Variants in NFIC observed in about 807,000 individuals in gnomAD.
The protein encoded by NFIC is nuclear factor I C.
A neutral mutation model predicts 54.4 loss-of-function variants in NFIC; 12 were observed. The observed-to-expected ratio is 0.22, with a 90% confidence interval of 0.14 to 0.36. The LOEUF is 0.36. Among genes scored for constraint, NFIC ranks in the 10% least tolerant of loss-of-function variants. The pLI is 1.00. For synonymous variants in NFIC, 322 were observed against 319.2 expected, an observed-to-expected ratio of 1.01 and a Z score of -0.09; for missense variants, 575 against 718.2, an observed-to-expected ratio of 0.80 and a Z score of 2.28.
intron 4 of NFIC, 142 bp downstream of exon 4, chr19:3,433,734 G>A (rs781779351): frequency 4.3e-6 from 4 of 935,600 alleles, no homozygotes; most frequent in Non-Finnish European, 6.5e-6. Context: ...TAGAAAGGGA[G>A]GTGGCCAGGC....
chr19:3,427,678 T>C (rs2082047329), intron 3 of NFIC, among the ~76,000 whole-genome samples: 1 of 148,254 alleles, frequency 6.7e-6, no homozygotes, highest in Non-Finnish European at 1.5e-5. Context: ...AATACAAAAA[T>C]TAGTCGGGCA....
At chr19:3,399,261 A>T (rs982127925) in intron 2 of NFIC, among the ~76,000 whole-genome samples, 1 of 152,202 alleles carries the variant, frequency 6.6e-6, no homozygotes, top group African/African-American at 2.4e-5. Flanking sequence ...TTGCTGAGGG[A>T]GAGTCAATAA....
rs1187386360 is a variant in NFIC, at chr19:3,375,850, G to A, written c.31-5862G>A. Among the ~76,000 whole-genome samples, 1 of 152,156 alleles carries A rather than the reference G, an allele frequency of 6.6e-6. No individual in the cohort carries two copies. The highest frequency in any genetic ancestry group is 2.4e-5 in the African/African-American group (1 of 41,436). On this transcript the variant is annotated intron_variant, in intron 1 of 10. Transcript: ENST00000443272. The surrounding 1 kb of genome is among the most constrained non-coding windows in gnomAD (Gnocchi z 4.6). ...CTCTGCCCATCCCGGCCTGGAAATGGGACCGAGTCCAGCCACATCCGCTGG... is the reference window on the plus strand; with the variant it reads ...CTCTGCCCATCCCGGCCTGGAAATGAGACCGAGTCCAGCCACATCCGCTGG...
upstream of NFIC, among the ~76,000 whole-genome samples, chr19:3,362,515 C>A (rs1304205605): frequency 6.6e-6 from 1 of 151,532 alleles, no homozygotes; most frequent in African/African-American, 2.4e-5. Flanking sequence ...TTATGTGAGT[C>A]TGTGCGTGTA....
intron 2 of NFIC, among the ~76,000 whole-genome samples, chr19:3,423,410 C>T (rs1307134905): frequency 3.3e-5 from 5 of 152,036 alleles, no homozygotes; most frequent in Non-Finnish European, 7.4e-5. Flanking sequence ...ACACAGCGAT[C>T]GCGTCCTGGC....
intron 6 of NFIC, among the ~76,000 whole-genome samples, chr19:3,438,077 G>A (rs148970808): frequency 4.6e-5 from 7 of 152,290 alleles, no homozygotes; most frequent in Middle Eastern, 3.4e-3. Flanking sequence ...CCACCTTTGC[G>A]ATGAGCCAAA....
intron 6 of NFIC, among the ~76,000 whole-genome samples, chr19:3,440,450 C>A (rs185248481): frequency 6.7e-6 from 1 of 148,954 alleles, no homozygotes. Flanking sequence ...TTTTTTGAGA[C>A]GGAATCTCTC....
chr19:3,438,026 G>C (rs1025927687), intron 6 of NFIC, among the ~76,000 whole-genome samples: 5 of 152,192 alleles, frequency 3.3e-5, no homozygotes, highest in Non-Finnish European at 7.4e-5. Context: ...TAATTGATGA[G>C]GCTGTCAGAA....
chr19:3,460,515 G>T (rs115655276), intron 10 of NFIC, among the ~76,000 whole-genome samples: 4,256 of 151,768 alleles, frequency 0.028, 185 homozygotes, highest in African/African-American at 0.096. Context: ...TTTTTTTTTG[G>T]TTTTTTTGGT....
intron 4 of NFIC, 73 bp from the exon 5 acceptor site, chr19:3,434,204 C>T (rs2082163037): frequency 1.3e-6 from 2 of 1,530,952 alleles, no homozygotes; most frequent in African/African-American, 2.7e-5. Context: ...CAGTGGCTTT[C>T]CCTACCTCTC....
rs1369864596 is a variant in NFIC, at chr19:3,465,469, G to C, written c.*2700G>C. The C allele has an allele frequency of 6.6e-5, 8 of 120,380 alleles. No individual in the cohort carries two copies. The highest frequency in any genetic ancestry group is 2.5e-4 in the African/African-American group (8 of 31,760). 7.5% of individuals were successfully genotyped at this position (120,380 alleles called of 1,614,324 possible). A position where few individuals can be genotyped will look rare whatever the true frequency, so the allele number is the denominator to read the frequency against. On this transcript the variant is annotated 3_prime_UTR_variant, in exon 11 of 11. Transcript: ENST00000443272. ...AAAAAAAAAAAGGAAGAAAAACCACGCTAAAAATCAAGCCACTGAAAACAA... is the reference window on the plus strand; with the variant it reads ...AAAAAAAAAAAGGAAGAAAAACCACCCTAAAAATCAAGCCACTGAAAACAA...
Position 3,459,314 on chromosome 19 carries a change from C to T in NFIC, c.1509+2679C>T, listed in dbSNP as rs978808497. Among the ~76,000 whole-genome samples the T allele has an allele frequency of 2.0e-5, 3 of 151,866 alleles. No homozygotes were observed. The highest frequency in any genetic ancestry group is 7.3e-5 in the African/African-American group (3 of 41,310). The stretch of plus-strand genomic sequence containing the variant: ...GATCTCGCCCTGGTCAGTTACCCAC[C>T]CATCGCCCCATGTCCGTCCCTATCA... On this transcript the variant is annotated intron_variant, in intron 10 of 10. Coordinates refer to ENST00000443272, the MANE Select transcript of NFIC (RefSeq NM_001245002.2). The surrounding 1 kb of genome is among the most constrained non-coding windows in gnomAD (Gnocchi z 4.2).
rs2082720889 is a variant in NFIC, at chr19:3,466,658, C to T, written c.*3889C>T. 1 of 146,446 alleles carries T rather than the reference C, an allele frequency of 6.8e-6. No homozygotes were observed. Among genetic ancestry groups the T allele is most frequent in the Non-Finnish European group, 1.5e-5 (1 of 66,074 alleles). The allele number at this position is 146,446 out of a possible 1,614,324, so 9.1% of individuals were successfully genotyped here. On this transcript the variant is annotated 3_prime_UTR_variant, in exon 11 of 11. Coordinates refer to ENST00000443272, the MANE Select transcript of NFIC (RefSeq NM_001245002.2). This position sits in a 1 kb window ranked among gnomAD's most constrained non-coding sequence, Gnocchi z 4.8. ...CAGCATTCATGTAGCTGATTTCTAG[C>T]TTTTTTTTTTTTTCTGCCCCACTCC...
intron 2 of NFIC, among the ~76,000 whole-genome samples, chr19:3,398,138 C>T (rs1289770230): frequency 2.0e-5 from 3 of 152,126 alleles, no homozygotes; most frequent in Non-Finnish European, 4.4e-5. Flanking sequence ...ATTCATCCGC[C>T]GTGCAGACTT....
In NFIC at chr19:3,375,352, C is replaced by T. The variant is rs983038230; in HGVS notation, c.31-6360C>T. 3.3e-5 allele frequency among the ~76,000 whole-genome samples: 5 copies of T among 152,196 alleles called. No homozygotes were observed. Among genetic ancestry groups the T allele is most frequent in the Non-Finnish European group, 2.9e-5 (2 of 68,032 alleles). On this transcript the variant is annotated intron_variant, in intron 1 of 10. Coordinates refer to ENST00000443272, the MANE Select transcript of NFIC (RefSeq NM_001245002.2). The surrounding 1 kb of genome is among the most constrained non-coding windows in gnomAD (Gnocchi z 4.6). ...CTGCGCCTCTATGGGTCCTCTCTGC[C>T]GCGTCCCACTGTGCCCCCCACCACC...
chr19:3,436,054 C>T (rs1019650472), intron 6 of NFIC, among the ~76,000 whole-genome samples: 10 of 152,180 alleles, frequency 6.6e-5, no homozygotes, highest in African/African-American at 2.4e-4. Flanking sequence ...TCTCAAACTC[C>T]CGACCTCAGG....
chr19:3,426,852 G>T (rs2082034908), intron 3 of NFIC, among the ~76,000 whole-genome samples: 1 of 151,694 alleles, frequency 6.6e-6, no homozygotes. Context: ...CCTGGTCTCA[G>T]CTCAAATGCC....
intron 10 of NFIC, among the ~76,000 whole-genome samples, chr19:3,461,257 C>CAA (rs57979040): frequency 1.7e-4 from 13 of 78,212 alleles, no homozygotes; most frequent in Non-Finnish European, 2.8e-4. Flanking sequence ...CCCACCTCTA[C>CAA]AAAAAAAAAA....
At chr19:3,454,288 C>A in intron 9 of NFIC, 2 of 1,077,702 alleles carry the variant, frequency 1.9e-6, no homozygotes, top group African/African-American at 3.3e-5. Flanking sequence ...CCAGACTGGT[C>A]TTTTGTTTGT....
Sources: gnomAD v4.1 joint callset for allele counts (sites outside exome capture counted in the v4.1 genomes callset) on GRCh38, gnomAD v4.1.1 for gene constraint, Gnocchi (gnomAD v3.1) non-coding constraint, MANE v1.5 for transcripts, NCBI Gene and HGNC (gene_info 2026-07-23, HGNC 2026-07-21) for gene names.